The following TSR1 variants were observed in gnomAD, a reference collection of about 807,000 sequenced individuals.
The protein encoded by TSR1 is pre-rRNA-processing protein TSR1 homolog.
TSR1 carries 81 observed loss-of-function variants against 90.9 expected under a neutral mutation model. The observed-to-expected ratio is 0.89, with a 90% CI of 0.74 to 1.07. TSR1 has a LOEUF of 1.07. Ranked by LOEUF, TSR1 falls within the 50% of genes least tolerant of loss-of-function variation. The pLI, the probability that TSR1 is intolerant of heterozygous loss-of-function variation, is 0.00. For missense variants in TSR1, 989 were observed against 987.3 expected (o/e 1.00, Z -0.02); for synonymous variants, 362 against 348.8 (o/e 1.04, Z -0.42).
chr17:2,335,872 A>ATACCTGT, intron 2 of TSR1, 142 bp from the exon 3 acceptor site: 1 of 1,260,790 alleles, frequency 7.9e-7, no homozygotes, highest in Non-Finnish European at 1.1e-6. Flanking sequence ...GCGGGGTGGC[A>ATACCTGT]GGAATTCTGA....
chr17:2,332,278 C>A lies in TSR1; in HGVS notation c.1387G>T (p.Val463Leu). 6.2e-7 allele frequency: 1 copy of A among 1,614,068 alleles called. No homozygotes were observed. Among genetic ancestry groups the A allele is most frequent in the Non-Finnish European group, 8.5e-7 (1 of 1,180,014 alleles). Residue 463 changes from valine (V) to leucine (L), a missense_variant, in exon 8 of 15, where the codon GTA becomes TTA. By Grantham distance (32) the Val-to-Leu change is conservative. Transcript: ENST00000301364. ...ATTTTTGCCTCAGCTTCTTCATCTACTTTCTTATCATACAGATCATCATGC... is the reference window on the plus strand; with the variant it reads ...ATTTTTGCCTCAGCTTCTTCATCTAATTTCTTATCATACAGATCATCATGC... ...SVHDDLYDKK[V>L]DEEAEAKMLE...
chr17:2,335,688 G>A lies in TSR1; in HGVS notation c.244C>T (p.Pro82Ser). 6.2e-7 allele frequency: 1 copy of A among 1,613,930 alleles called. No homozygotes were observed. The highest frequency in any genetic ancestry group is 8.5e-7 in the Non-Finnish European group (1 of 1,180,018). The change falls in exon 3 of 15, where the codon CCT (proline) becomes TCT (serine). Residue 82 changes from proline to serine, a missense_variant. By Grantham distance (74) the Pro-to-Ser change is moderately conservative. Transcript: ENST00000301364. The stretch of plus-strand genomic sequence containing the variant: ...AGGGGCACCACCAGTACCTGATGAG[G>A]AGGGCCATCCTTGCCACCCAGCTGT... Reference protein sequence around the residue: ...KRQLGGKDGPPHQVLVVPLHS... With the variant: ...KRQLGGKDGPSHQVLVVPLHS...
chr17:2,325,297 A>C lies in TSR1; in HGVS notation c.2020+7T>G, dbSNP rs758870325. The C allele has an allele frequency of 1.3e-5, 21 of 1,606,728 alleles. No individual in the cohort carries two copies. The highest frequency in any genetic ancestry group is 1.7e-5 in the Non-Finnish European group (20 of 1,176,766). ...CAGGGTCTGTTCATCTCTGTGGCTC[A>C]ACTTACCATTGCTTTTTTGCTTGAA... On this transcript the variant is annotated splice_region_variant and intron_variant, in intron 12 of 14. Coordinates refer to ENST00000301364, the MANE Select transcript of TSR1 (RefSeq NM_018128.5).
At position 2,324,342 on chromosome 17, in the gene TSR1, C is replaced by A; in HGVS notation, c.2269G>T (p.Gly757Trp). 6.4e-7 allele frequency: 1 copy of A among 1,563,460 alleles called. No homozygotes were observed. The highest frequency in any genetic ancestry group is 1.2e-5 in the South Asian group (1 of 81,108). Residue 757 changes from glycine (G) to tryptophan (W), a missense_variant, in exon 15 of 15, where the codon GGG becomes TGG. Gly to Trp is a radical substitution (Grantham distance 184). Coordinates refer to ENST00000301364, the MANE Select transcript of TSR1 (RefSeq NM_018128.5). ...ACTGTGTCTTGAGATTTTAGCTTCC[C>A]ATCAAAGCTGCATTTCATGTGGCCA... Reference protein sequence around the residue: ...THGHMKCSFDGKLKSQDTVLM... With the variant: ...THGHMKCSFDWKLKSQDTVLM...
Position 2,323,091 on chromosome 17 carries a change from A to G in TSR1, c.*1105T>C. The G allele has an allele frequency of 6.3e-7, 1 of 1,581,706 alleles. No individual in the cohort carries two copies. The highest frequency in any genetic ancestry group is 1.1e-5 in the South Asian group (1 of 90,374). ...ATATTTTCTTTTAGACATGCAGGCA[A>G]TGTTGTGGTTTGTTGTTAAGATGTC... On this transcript the variant is annotated 3_prime_UTR_variant, in exon 15 of 15. Transcript: ENST00000301364.
At chr17:2,332,128 A>G in intron 8 of TSR1, 41 bp downstream of exon 8, 1 of 1,591,528 alleles carries the variant, frequency 6.3e-7, no homozygotes, top group Non-Finnish European at 8.5e-7. Context: ...TTAAAAACGT[A>G]TTGACTGAAT....
rs1219849598 is a variant in TSR1, at chr17:2,335,738, TAGAA to T, written c.202-12_202-9del. 2 of 1,610,986 alleles carry T rather than the reference TAGAA, an allele frequency of 1.2e-6. No individual in the cohort carries two copies. Among genetic ancestry groups the T allele is most frequent in the Non-Finnish European group, 8.5e-7 (1 of 1,179,392 alleles). On this transcript the variant is annotated splice_polypyrimidine_tract_variant and intron_variant, in intron 2 of 14. Transcript: ENST00000301364. ...TCTCTTCTCTGCCAGAACCTGAAAA[TAGAA>T]AGATATCCGAGAACATCTCAGTGTC...
chr17:2,334,914 A>C lies in TSR1; in HGVS notation c.557-18T>G. 1 of 1,597,762 alleles carries C rather than the reference A, an allele frequency of 6.3e-7. No individual in the cohort carries two copies. The highest frequency in any genetic ancestry group is 1.7e-5 in the Admixed American group (1 of 58,908). On this transcript the variant is annotated intron_variant, in intron 4 of 14. Transcript: ENST00000301364. ...AGCTAGTGCTGTAAGCGAAAGAGAA[A>C]ACGCTTCATGACCTACTGCTTCATT...
Position 2,324,033 on chromosome 17 carries a change from A to G in TSR1, c.*163T>C, listed in dbSNP as rs1403426120. 2.5e-6 allele frequency: 3 copies of G among 1,194,616 alleles called. No homozygotes were observed. Among genetic ancestry groups the G allele is most frequent in the Non-Finnish European group, 3.5e-6 (3 of 856,148 alleles). The allele number at this position is 1,194,616 out of a possible 1,614,324, so 74.0% of individuals were successfully genotyped here. ...TGGACTAAGTAGTGGAAAAACTTTT[A>G]TACTTAACTGAGACATTTTGTCAAG... is the stretch of plus-strand genomic sequence containing the variant. On this transcript the variant is annotated 3_prime_UTR_variant, in exon 15 of 15. Coordinates refer to ENST00000301364, the MANE Select transcript of TSR1 (RefSeq NM_018128.5).
At position 2,322,890 on chromosome 17, in the gene TSR1, G is replaced by C. The variant is rs986648278; in HGVS notation, c.*1306C>G. 5 of 449,508 alleles carry C rather than the reference G, an allele frequency of 1.1e-5. No individual in the cohort carries two copies. The highest frequency in any genetic ancestry group is 2.0e-5 in the African/African-American group (1 of 50,074). The allele number at this position is 449,508 out of a possible 1,614,324, so 27.8% of individuals were successfully genotyped here. On this transcript the variant is annotated 3_prime_UTR_variant, in exon 15 of 15. Transcript: ENST00000301364. ...AGTGATTCTCCTACCTCAGCCTCTT[G>C]AGTAGCTGGGATTACAGGGGTCTGC...
In TSR1 at chr17:2,324,311, A is replaced by C; in HGVS notation, c.2300T>G (p.Met767Arg). Residue 767 changes from methionine (M) to arginine (R), a missense_variant, in exon 15 of 15, where the codon ATG (methionine) becomes AGG (arginine). By Grantham distance (91) the Met-to-Arg change is moderately conservative. Transcript: ENST00000301364. ...GGGGAAGACTCGTTTATACAGGTTC[A>C]TCAGTACTGTGTCTTGAGATTTTAG... ...GKLKSQDTVL[M>R]NLYKRVFPKW... The C allele has an allele frequency of 5.1e-6, 8 of 1,568,650 alleles. No individual in the cohort carries two copies. The highest frequency in any genetic ancestry group is 6.0e-6 in the Non-Finnish European group (7 of 1,160,844).
chr17:2,333,405 G>T, intron 6 of TSR1, 152 bp downstream of exon 6: 1 of 994,134 alleles, frequency 1.0e-6, no homozygotes, highest in Non-Finnish European at 1.6e-6. Context: ...TATAATGTTT[G>T]TTTATTGAAA....
rs368063659 is a variant in TSR1, at chr17:2,330,304, G to T, written c.1770+211C>A. The T allele has an allele frequency of 9.5e-4, 658 of 690,880 alleles. 10 individuals are homozygous for T. Among genetic ancestry groups the T allele is most frequent in the South Asian group, 8.8e-3 (643 of 73,132 alleles). 42.8% of individuals were successfully genotyped at this position (690,880 alleles called of 1,614,324 possible). Reference sequence around the variant, plus strand: ...TGGAGAAGTCTCAGAACCACACAGAGATTGCATCACTGAGATGCTTCAGAC... The same window carrying T: ...TGGAGAAGTCTCAGAACCACACAGATATTGCATCACTGAGATGCTTCAGAC... On this transcript the variant is annotated intron_variant, in intron 10 of 14. Coordinates refer to ENST00000301364, the MANE Select transcript of TSR1 (RefSeq NM_018128.5).
At chr17:2,336,207 C>G (rs2064076507) in intron 1 of TSR1, 67 bp from the exon 2 acceptor site, 1 of 1,598,364 alleles carries the variant, frequency 6.3e-7, no homozygotes, top group African/African-American at 1.3e-5. Flanking sequence ...GACTCCTCTC[C>G]GCCCACCTTA....
At chr17:2,333,213 G>T in intron 6 of TSR1, 89 bp from the exon 7 acceptor site, 1 of 1,444,742 alleles carries the variant, frequency 6.9e-7, no homozygotes. Flanking sequence ...ACCAGATACT[G>T]CTGCCAACAT....
intron 5 of TSR1, 114 bp downstream of exon 5, chr17:2,334,358 C>G: frequency 8.7e-7 from 1 of 1,148,906 alleles, no homozygotes; most frequent in Non-Finnish European, 1.2e-6. Context: ...TATTGCCTTA[C>G]TTCAGACTAG....
At position 2,324,099 on chromosome 17, in the gene TSR1, G is replaced by C. The variant is rs1276399543; in HGVS notation, c.*97C>G. Reference sequence around the variant, plus strand: ...TGCAAAATGGGGCAGTGGACTGACAGGCTGACATAGAAAATAAACTTTGCC... The same window carrying C: ...TGCAAAATGGGGCAGTGGACTGACACGCTGACATAGAAAATAAACTTTGCC... On this transcript the variant is annotated 3_prime_UTR_variant, in exon 15 of 15. Transcript: ENST00000301364. 15 of 1,449,886 alleles carry C rather than the reference G, an allele frequency of 1.0e-5. No homozygotes were observed. The highest frequency in any genetic ancestry group is 1.4e-5 in the South Asian group (1 of 69,710). The allele number at this position is 1,449,886 out of a possible 1,614,324, so 89.8% of individuals were successfully genotyped here. A position where few individuals can be genotyped will look rare whatever the true frequency, so the allele number is the denominator to read the frequency against.
chr17:2,334,465 G>C lies in TSR1; in HGVS notation c.981+7C>G. 6.2e-7 allele frequency: 1 copy of C among 1,610,234 alleles called. No homozygotes were observed. The highest frequency in any genetic ancestry group is 8.5e-7 in the Non-Finnish European group (1 of 1,177,588). On this transcript the variant is annotated splice_region_variant and intron_variant, in intron 5 of 14. Coordinates refer to ENST00000301364, the MANE Select transcript of TSR1 (RefSeq NM_018128.5). ...ATATGAACATGAATTAAGAATATCAGTCTTACCTCCATTGCCATGTCTGGG... is the reference window on the plus strand; with the variant it reads ...ATATGAACATGAATTAAGAATATCACTCTTACCTCCATTGCCATGTCTGGG...
At chr17:2,324,469 A>C in intron 14 of TSR1, 35 bp downstream of exon 14, 1 of 1,614,038 alleles carries the variant, frequency 6.2e-7, no homozygotes. Context: ...CACTGCAGAA[A>C]TGCAGACATG....
Sources: gnomAD v4.1 joint callset for allele counts on GRCh38, gnomAD v4.1.1 for gene constraint, MANE v1.5 for transcripts, NCBI Gene and HGNC (gene_info 2026-07-23, HGNC 2026-07-21) for gene names.